CFAP99: variants seen among roughly 807,000 people sequenced by gnomAD.
CFAP99 encodes the protein cilia and flagella associated protein 99, also known as cilia- and flagella-associated protein 99.
Under a neutral mutation model 82.7 loss-of-function variants are expected in CFAP99, and 84 were observed. That is an observed-to-expected ratio of 1.02 (90% CI 0.85 to 1.22). The LOEUF is 1.22. Among genes scored for constraint, CFAP99 ranks in the 50% most tolerant of loss-of-function variants. The probability of loss-of-function intolerance (pLI) is 0.00; values close to 1 mark genes in which losing one functional copy is unlikely to be tolerated. For synonymous variants in CFAP99, 456 were observed against 429.5 expected (o/e 1.06, Z -0.76); for missense variants, 1,059 against 983.5 (o/e 1.08, Z -1.03).
At chr4:2,438,196 G>GT (rs1553874023) in intron 4 of CFAP99, 32 bp downstream of exon 4, 2 of 1,304,618 alleles carry the variant, frequency 1.5e-6, no homozygotes, top group Non-Finnish European at 2.1e-6. Flanking sequence ...ACCAGGCCAC[G>GT]AGGCCCACGG....
At chr4:2,451,128 A>G in intron 9 of CFAP99, 110 bp downstream of exon 9, 1 of 1,452,710 alleles carries the variant, frequency 6.9e-7, no homozygotes, top group South Asian at 1.2e-5. Flanking sequence ...CTAGAGTCCC[A>G]AGGACGGCCC....
Position 2,462,409 on chromosome 4 carries a change from G to T in CFAP99, c.1662-34G>T. On this transcript the variant is annotated intron_variant, in intron 14 of 14. Transcript: ENST00000635017. This position sits in a 1 kb window ranked among gnomAD's most constrained non-coding sequence, Gnocchi z 4.1. ...CTGGGTCTGGCCTGGGCCTCCCGCC[G>T]GCCTGCTCCTGAGCCCGCCGCGTCG... 1 of 1,401,192 alleles carries T rather than the reference G, an allele frequency of 7.1e-7. No individual in the cohort carries two copies. Among genetic ancestry groups the T allele is most frequent in the Non-Finnish European group, 9.2e-7 (1 of 1,091,102 alleles). The allele number at this position is 1,401,192 out of a possible 1,614,324, so 86.8% of individuals were successfully genotyped here.
chr4:2,434,716 C>T (rs1348927475), intron 2 of CFAP99, among the ~76,000 whole-genome samples: 1 of 152,224 alleles, frequency 6.6e-6, no homozygotes, highest in Non-Finnish European at 1.5e-5. Flanking sequence ...AGAAAAGGCG[C>T]ATCCCCCAAT....
Position 2,448,721 on chromosome 4 carries a change from G to C in CFAP99, c.643-949G>C, listed in dbSNP as rs1022876336. ...CAAGTGTTTGAGGGTGGCCAGGAGG[G>C]GCTGGAGTGGAGTGAGGCAGGGAAG... On this transcript the variant is annotated intron_variant, in intron 6 of 14. Transcript: ENST00000635017. This position sits in a 1 kb window ranked among gnomAD's most constrained non-coding sequence, Gnocchi z 5.2. 1.3e-5 allele frequency among the ~76,000 whole-genome samples: 2 copies of C among 152,262 alleles called. No homozygotes were observed. Among genetic ancestry groups the C allele is most frequent in the Non-Finnish European group, 2.9e-5 (2 of 68,040 alleles).
rs774798298 is a variant in CFAP99 at position 2,426,436 on chromosome 4, T to C, written c.-17-23T>C. The C allele has an allele frequency of 3.0e-5, 43 of 1,448,796 alleles. No homozygotes were observed. In the South Asian group the frequency reaches 5.2e-4, roughly 18 times the overall value. The allele number at this position is 1,448,796 out of a possible 1,614,324, so 89.7% of individuals were successfully genotyped here. ...GGCTACATCCCAGGTGTGGAGGGCG[T>C]GACCTGCACGGTTTGTTCTTAGGCT... On this transcript the variant is annotated intron_variant, in intron 1 of 14. Coordinates refer to ENST00000635017, the Ensembl canonical transcript of CFAP99.
rs1227527411 is a variant in CFAP99 at position 2,462,430 on chromosome 4, C to T, written c.1662-13C>T. ...CGCCGGCCTGCTCCTGAGCCCGCCG[C>T]GTCGCCCGCCAGGTGGGAGGAAAAG... On this transcript the variant is annotated splice_polypyrimidine_tract_variant and intron_variant, in intron 14 of 14. Coordinates refer to ENST00000635017, the Ensembl canonical transcript of CFAP99. The surrounding 1 kb of genome is among the most constrained non-coding windows in gnomAD (Gnocchi z 4.1). 1.4e-6 allele frequency: 2 copies of T among 1,421,410 alleles called. No homozygotes were observed. Among genetic ancestry groups the T allele is most frequent in the Non-Finnish European group, 1.8e-6 (2 of 1,101,080 alleles). 88.0% of individuals were successfully genotyped at this position (1,421,410 alleles called of 1,614,324 possible).
intron 14 of CFAP99, 138 bp downstream of exon 14, chr4:2,460,380 T>C (rs1734593495): frequency 4.1e-6 from 3 of 727,790 alleles, no homozygotes; most frequent in Admixed American, 2.4e-5. Flanking sequence ...GTAACTCCCC[T>C]GACCCCTATT....
At chr4:2,440,132 G>A (rs1227760359) in intron 4 of CFAP99, among the ~76,000 whole-genome samples, 1 of 140,438 alleles carries the variant, frequency 7.1e-6, no homozygotes. Context: ...GTGAGCCACT[G>A]CGCCCAGCTT....
rs906422794 is a variant in CFAP99, at chr4:2,462,846, C to T, written c.2065C>T (p.Arg689Trp). 4.6e-5 allele frequency: 64 copies of T among 1,391,300 alleles called. No individual in the cohort carries two copies. Among genetic ancestry groups the T allele is most frequent in the Middle Eastern group, 2.6e-4 (1 of 3,836 alleles). 86.2% of individuals were successfully genotyped at this position (1,391,300 alleles called of 1,614,324 possible). A position where few individuals can be genotyped will look rare whatever the true frequency, so the allele number is the denominator to read the frequency against. ...GGCGCAGCACTGGCTGGAGCTGGAG[C>T]GGAGCCGCGAGCGCAGGCTGCAGGC... Residue 689 changes from arginine (R) to tryptophan (W), a missense_variant, in exon 15 of 15, where the codon CGG (arginine) becomes TGG (tryptophan). Physicochemically the swap from Arg to Trp is moderately radical, Grantham distance 101. Coordinates refer to ENST00000635017, the Ensembl canonical transcript of CFAP99. The surrounding 1 kb of genome is among the most constrained non-coding windows in gnomAD (Gnocchi z 4.1).
At position 2,447,645 on chromosome 4, in the gene CFAP99, G is replaced by GTGGA. The variant is rs146216594; in HGVS notation, c.643-2004_643-2001dup. 1.0e-2 allele frequency among the ~76,000 whole-genome samples: 1,470 copies of GTGGA among 147,384 alleles called. 16 individuals are homozygous for GTGGA. The highest frequency in any genetic ancestry group is 0.027 in the African/African-American group (1,085 of 39,742). On this transcript the variant is annotated intron_variant, in intron 6 of 14. Transcript: ENST00000635017. ...AGTGGGTGAATGAATGGATGGGTGGGTGGATGGATGGATGGATGGATGGAC... is the reference window on the plus strand; with the variant it reads ...AGTGGGTGAATGAATGGATGGGTGGGTGGATGGATGGATGGATGGATGGATGGAC...
intron 2 of CFAP99, among the ~76,000 whole-genome samples, chr4:2,431,055 G>C (rs1203775): frequency 0.54 from 81,765 of 151,170 alleles, 22,753 homozygotes; most frequent in East Asian, 0.86. Context: ...CTGGGCAACA[G>C]AGTAAGATCC....
At chr4:2,426,943 G>A in intron 2 of CFAP99, 1 of 268,800 alleles carries the variant, frequency 3.7e-6, no homozygotes, top group South Asian at 4.8e-5. Context: ...CCATCCCCCA[G>A]GCGCCCCAGG....
At chr4:2,426,646 C>A (rs1479898606) in intron 2 of CFAP99, 60 bp downstream of exon 2, 2 of 1,084,044 alleles carry the variant, frequency 1.8e-6, no homozygotes, top group African/African-American at 3.2e-5. Context: ...TGCAGCTGTT[C>A]TGGTTAACAG....
In CFAP99 at chr4:2,449,768, CCT is replaced by C. The variant is rs1244225445; in HGVS notation, c.723+19_723+20del. 2.5e-5 allele frequency: 38 copies of C among 1,535,846 alleles called. No individual in the cohort carries two copies. Among genetic ancestry groups the C allele is most frequent in the Non-Finnish European group, 3.2e-5 (37 of 1,146,710 alleles). ...AGGCCGAGGTGAGCTGTGTGCGACCCCTGCCTTCCTAGAGACCCCATATGAGG... is the reference window on the plus strand; with the variant it reads ...AGGCCGAGGTGAGCTGTGTGCGACCCGCCTTCCTAGAGACCCCATATGAGG... On this transcript the variant is annotated intron_variant, in intron 7 of 14. Coordinates refer to ENST00000635017, the Ensembl canonical transcript of CFAP99.
At chr4:2,428,034 C>T (rs1733721012) in intron 2 of CFAP99, 1 of 152,720 alleles carries the variant, frequency 6.5e-6, no homozygotes, top group Non-Finnish European at 1.5e-5. Context: ...CCTCTGGCCC[C>T]CAGCTCTTTC....
rs1290255919 is a variant in CFAP99, at chr4:2,448,816, G to T, written c.643-854G>T. 1.3e-5 allele frequency among the ~76,000 whole-genome samples: 2 copies of T among 152,226 alleles called. No individual in the cohort carries two copies. Among genetic ancestry groups the T allele is most frequent in the Non-Finnish European group, 2.9e-5 (2 of 68,038 alleles). ...GCAGAGACAGGACACATTGAGGCAG[G>T]CTGGCGCCAACACAGGGTCCCTCCA... On this transcript the variant is annotated intron_variant, in intron 6 of 14. Transcript: ENST00000635017. The surrounding 1 kb of genome is among the most constrained non-coding windows in gnomAD (Gnocchi z 5.2).
chr4:2,454,860 G>A (rs1734391489), intron 11 of CFAP99, among the ~76,000 whole-genome samples: 1 of 151,654 alleles, frequency 6.6e-6, no homozygotes, highest in Non-Finnish European at 1.5e-5. Context: ...GACCTCAAGT[G>A]ATCTGCCCAC....
At chr4:2,444,809 G>A (rs1734124171) in intron 5 of CFAP99, among the ~76,000 whole-genome samples, 1 of 152,136 alleles carries the variant, frequency 6.6e-6, no homozygotes, top group African/African-American at 2.4e-5. Context: ...GCTACTGCTT[G>A]TCCTCAGAGC....
chr4:2,432,026 G>C (rs1349451016), intron 2 of CFAP99, among the ~76,000 whole-genome samples: 4 of 152,246 alleles, frequency 2.6e-5, no homozygotes, highest in Non-Finnish European at 5.9e-5. Flanking sequence ...AAAAGCAGTA[G>C]CTTTAATCAA....
Sources: allele counts gnomAD v4.1 joint callset (sites outside exome capture counted in the v4.1 genomes callset), GRCh38; gene constraint gnomAD v4.1.1; non-coding constraint Gnocchi (gnomAD v3.1); transcripts MANE v1.5; gene names NCBI Gene and HGNC (gene_info 2026-07-23, HGNC 2026-07-21).